Variants in FBLN2 observed in about 807,000 individuals in gnomAD.
FBLN2 encodes fibulin 2.
In FBLN2, 81 loss-of-function variants were observed where a neutral mutation model predicts 123.7. That is an observed-to-expected ratio of 0.65 (90% CI 0.55 to 0.79). FBLN2 has a LOEUF of 0.79. Ranked by LOEUF, FBLN2 falls within the 30% of genes least tolerant of loss-of-function variation. The pLI is 0.00. For synonymous variants in FBLN2, 699 were observed against 701.4 expected (o/e 1.00, Z 0.05); for missense variants, 1,603 against 1,681.3 (o/e 0.95, Z 0.81).
At chr3:13,588,431 G>A (rs534801777) in intron 2 of FBLN2, among the ~76,000 whole-genome samples, 1 of 152,236 alleles carries the variant, frequency 6.6e-6, no homozygotes, top group African/African-American at 2.4e-5. Flanking sequence ...ATGGAAAGCT[G>A]CCAGGCGGAG....
rs930837050 is a variant in FBLN2 at position 13,632,286 on chromosome 3, C to T, written c.3214+829C>T. 7.2e-5 allele frequency among the ~76,000 whole-genome samples: 11 copies of T among 152,196 alleles called. 1 individual carries two copies. The highest frequency in any genetic ancestry group is 5.9e-4 in the Admixed American group (9 of 15,292). On this transcript the variant is annotated intron_variant, in intron 16 of 17. Coordinates refer to ENST00000404922, the MANE Select transcript of FBLN2 (RefSeq NM_001004019.2). ...CTCCCTCGGCCCCTCGGTCCCTTGG[C>T]GCCGCAGAGCTCAGACCTCCTCCTG... is the stretch of plus-strand genomic sequence containing the variant.
chr3:13,582,094 A>C (rs1169571026), intron 2 of FBLN2, among the ~76,000 whole-genome samples: 1 of 152,182 alleles, frequency 6.6e-6, no homozygotes, highest in Non-Finnish European at 1.5e-5. Context: ...GAAAGCCTGC[A>C]GTGGACACCA....
intron 2 of FBLN2, among the ~76,000 whole-genome samples, chr3:13,589,934 A>T (rs79584139): frequency 0.014 from 2,187 of 152,326 alleles, 61 homozygotes; most frequent in African/African-American, 0.051. Flanking sequence ...CCAGATTAAT[A>T]TAACAGTACT....
In FBLN2 at chr3:13,555,580, G is replaced by A. The variant is rs574155268; in HGVS notation, c.-42+6372G>A. ...TACCATTCTCCTGCCTCAGCCTCCC[G>A]AGTAGCTGGGACTACAGGCGCCCGC... On this transcript the variant is annotated intron_variant, in intron 1 of 17. Transcript: ENST00000404922. Among the ~76,000 whole-genome samples, 4 of 151,938 alleles carry A rather than the reference G, an allele frequency of 2.6e-5. 1 individual carries two copies. The South Asian group carries it at 6.2e-4, about 24-fold the overall frequency.
intron 2 of FBLN2, 49 bp downstream of exon 2, chr3:13,571,710 G>A: frequency 6.8e-7 from 1 of 1,478,360 alleles, no homozygotes; most frequent in Non-Finnish European, 9.0e-7. Flanking sequence ...GGGAAGGGCA[G>A]CCTTGGGCTC....
At chr3:13,621,727 A>G (rs1283503600) in intron 8 of FBLN2, 48 bp from the exon 9 acceptor site, 1 of 1,605,074 alleles carries the variant, frequency 6.2e-7, no homozygotes. Flanking sequence ...GTGGCAGCCC[A>G]TGTCCCTCTA....
intron 16 of FBLN2, among the ~76,000 whole-genome samples, chr3:13,635,814 A>G (rs536727704): frequency 6.6e-6 from 1 of 152,216 alleles, no homozygotes; most frequent in Non-Finnish European, 1.5e-5. Flanking sequence ...CCTGGAGCCC[A>G]GGTTGAGGGG....
chr3:13,573,894 CAAA>C (rs34768387), intron 2 of FBLN2, among the ~76,000 whole-genome samples: 7 of 72,922 alleles, frequency 9.6e-5, no homozygotes, highest in Admixed American at 1.5e-4. Flanking sequence ...GAGTGAAACT[CAAA>C]AAAAAAAAAA....
chr3:13,562,218 C>G (rs759293351), intron 1 of FBLN2, among the ~76,000 whole-genome samples: 11 of 152,188 alleles, frequency 7.2e-5, no homozygotes, highest in African/African-American at 1.4e-4. Context: ...AGGAGCAGCC[C>G]TTATTTCCTG....
chr3:13,565,320 C>T (rs945793118), intron 1 of FBLN2, among the ~76,000 whole-genome samples: 1 of 152,268 alleles, frequency 6.6e-6, no homozygotes, highest in African/African-American at 2.4e-5. Context: ...CTTGTGTCTC[C>T]ACTCCGGTGG....
chr3:13,635,375 TAC>T (rs3836364), intron 16 of FBLN2, among the ~76,000 whole-genome samples: 26,440 of 148,202 alleles, frequency 0.18, 2,459 homozygotes, highest in East Asian at 0.32. Context: ...GCCTGTGGGT[TAC>T]ACACACACAC....
chr3:13,587,144 C>CAA lies in FBLN2; in HGVS notation c.1306+15499_1306+15500dup, dbSNP rs57120285. ...GGGGTGACACAGCGAGACTCCGTCT[C>CAA]AAAAAAAAAAAAAAAAATAAATAAA... On this transcript the variant is annotated intron_variant, in intron 2 of 17. Coordinates refer to ENST00000404922, the MANE Select transcript of FBLN2 (RefSeq NM_001004019.2). Among the ~76,000 whole-genome samples the CAA allele has an allele frequency of 3.1e-3, 222 of 70,920 alleles. 1 individual carries two copies. Among genetic ancestry groups the CAA allele is most frequent in the Middle Eastern group, 7.7e-3 (1 of 130 alleles). 46.5% of individuals were successfully genotyped at this position (70,920 alleles called of 152,430 possible).
chr3:13,612,319 C>CT (rs771348816), intron 4 of FBLN2, among the ~76,000 whole-genome samples: 1 of 136,320 alleles, frequency 7.3e-6, no homozygotes, highest in Non-Finnish European at 1.6e-5. Context: ...TTCTTTCTTT[C>CT]TTTCTTTCTT....
intron 2 of FBLN2, among the ~76,000 whole-genome samples, chr3:13,594,084 CTT>C (rs1416470104): frequency 3.3e-5 from 5 of 152,232 alleles, no homozygotes; most frequent in African/African-American, 1.2e-4. Context: ...GTGGTTGTCT[CTT>C]TAGATTTTGG....
At chr3:13,576,195 G>T (rs564470426) in intron 2 of FBLN2, among the ~76,000 whole-genome samples, 2 of 152,300 alleles carry the variant, frequency 1.3e-5, no homozygotes, top group East Asian at 3.9e-4. Flanking sequence ...GGGAAAACAG[G>T]ATCCAAGCTG....
chr3:13,596,861 T>G (rs1704859018), intron 2 of FBLN2, among the ~76,000 whole-genome samples: 1 of 151,834 alleles, frequency 6.6e-6, no homozygotes, highest in Non-Finnish European at 1.5e-5. Context: ...TTTTTAAAAT[T>G]TATTATTTAA....
At chr3:13,602,240 T>C (rs567970914) in intron 2 of FBLN2, among the ~76,000 whole-genome samples, 110 of 152,362 alleles carry the variant, frequency 7.2e-4, no homozygotes, top group African/African-American at 2.5e-3. Context: ...ACCTTCATCA[T>C]ATATTCAATT....
intron 3 of FBLN2, 33 bp from the exon 4 acceptor site, chr3:13,609,480 C>A: frequency 1.3e-6 from 2 of 1,517,818 alleles, no homozygotes; most frequent in South Asian, 1.3e-5. Flanking sequence ...ATGAGGTGGG[C>A]GACTGGGGGC....
At chr3:13,592,610 A>G (rs1704713114) in intron 2 of FBLN2, among the ~76,000 whole-genome samples, 1 of 152,226 alleles carries the variant, frequency 6.6e-6, no homozygotes, top group Non-Finnish European at 1.5e-5. Flanking sequence ...TTTCCAGCCC[A>G]TGAACATGAT....
Sources: gnomAD v4.1 joint callset for allele counts (sites outside exome capture counted in the v4.1 genomes callset) on GRCh38, gnomAD v4.1.1 for gene constraint, MANE v1.5 for transcripts, NCBI Gene and HGNC (gene_info 2026-07-23, HGNC 2026-07-21) for gene names.